Variants in SLC24A2 observed in about 807,000 individuals in gnomAD.
SLC24A2 encodes solute carrier family 24 member 2.
SLC24A2 carries 36 observed loss-of-function variants against 62.0 expected under a neutral mutation model. That is an observed-to-expected ratio of 0.58 (90% CI 0.44 to 0.77). The LOEUF (loss-of-function observed/expected upper bound fraction) is 0.77, where lower values mean the gene tolerates loss of function less well. Ranked by LOEUF, SLC24A2 falls within the 30% of genes least tolerant of loss-of-function variation. The pLI, the probability that SLC24A2 is intolerant of heterozygous loss-of-function variation, is 0.00. For synonymous variants in SLC24A2, 358 were observed against 294.0 expected, an observed-to-expected ratio of 1.22 and a Z score of -2.23; for missense variants, 846 against 817.9, an observed-to-expected ratio of 1.03 and a Z score of -0.42.
chr9:19,965,635 T>C, the SLC24A2 span, among the ~76,000 whole-genome samples: 95 of 152,224 alleles, frequency 6.2e-4, no homozygotes, highest in African/African-American at 2.2e-3. Context: ...TAAGTGGCCA[T>C]AGTCAAAATA....
At chr9:19,650,775 C>CA (rs1487146760) in intron 2 of SLC24A2, among the ~76,000 whole-genome samples, 2 of 151,886 alleles carry the variant, frequency 1.3e-5, no homozygotes, top group Non-Finnish European at 2.9e-5. Context: ...CTAGGATTCA[C>CA]AACCGAAATA....
the SLC24A2 span, among the ~76,000 whole-genome samples, chr9:20,035,896 T>C: frequency 6.6e-6 from 1 of 152,188 alleles, no homozygotes; most frequent in African/African-American, 2.4e-5. Flanking sequence ...AAGTTATCAA[T>C]AGCAGAACAG....
the SLC24A2 span, among the ~76,000 whole-genome samples, chr9:20,140,991 A>G: frequency 1.3e-5 from 2 of 152,114 alleles, no homozygotes; most frequent in Non-Finnish European, 2.9e-5. Context: ...GCTACTAACC[A>G]TGAGCTCCTT....
chr9:20,055,083 G>T, the SLC24A2 span, among the ~76,000 whole-genome samples: 1 of 152,130 alleles, frequency 6.6e-6, no homozygotes, highest in Non-Finnish European at 1.5e-5. Context: ...TATTTGAGGG[G>T]CAGGAATGTA....
chr9:19,874,189 C>G, the SLC24A2 span, among the ~76,000 whole-genome samples: 1 of 147,862 alleles, frequency 6.8e-6, no homozygotes, highest in African/African-American at 2.5e-5. Context: ...AAGCAATTCT[C>G]TTGCCTCAGC....
At chr9:20,218,931 G>C in the SLC24A2 span, among the ~76,000 whole-genome samples, 1 of 152,128 alleles carries the variant, frequency 6.6e-6, no homozygotes, top group East Asian at 1.9e-4. Flanking sequence ...AACCCAAGCA[G>C]AATGATTTTG....
At chr9:19,792,646 T>G (rs111718337), upstream of SLC24A2, among the ~76,000 whole-genome samples, 7,864 of 146,858 alleles carry the variant, frequency 0.054, 244 homozygotes, top group African/African-American at 0.087. Context: ...ATGCGGAGGG[T>G]GCAGTGAGCC....
chr9:19,859,562 C>A, the SLC24A2 span, among the ~76,000 whole-genome samples: 1 of 152,100 alleles, frequency 6.6e-6, no homozygotes, highest in African/African-American at 2.4e-5. Flanking sequence ...CTGCCAATTC[C>A]CCTTGCCCCC....
the SLC24A2 span, among the ~76,000 whole-genome samples, chr9:20,170,612 G>T: frequency 2.6e-5 from 4 of 151,988 alleles, no homozygotes; most frequent in Non-Finnish European, 5.9e-5. Flanking sequence ...TGGGAAGGGG[G>T]TAGGCTGTTT....
chr9:20,140,933 A>G, the SLC24A2 span, among the ~76,000 whole-genome samples: 2 of 152,070 alleles, frequency 1.3e-5, no homozygotes, highest in Admixed American at 6.6e-5. Context: ...CCTCCAATTC[A>G]ACCACCACTC....
At chr9:19,856,617 G>A in the SLC24A2 span, among the ~76,000 whole-genome samples, 1 of 152,150 alleles carries the variant, frequency 6.6e-6, no homozygotes, top group Non-Finnish European at 1.5e-5. Context: ...ACTGGGAGGT[G>A]TCACCAGTGG....
chr9:20,225,576 T>TATA, the SLC24A2 span, among the ~76,000 whole-genome samples: 18 of 126,416 alleles, frequency 1.4e-4, no homozygotes, highest in African/African-American at 6.2e-4. Flanking sequence ...ATATATATAA[T>TATA]TTCATTTAAA....
the SLC24A2 span, among the ~76,000 whole-genome samples, chr9:20,235,096 C>T: frequency 6.6e-6 from 1 of 152,218 alleles, no homozygotes; most frequent in Non-Finnish European, 1.5e-5. Context: ...AGTTTTGTCT[C>T]AGAGGAGTAC....
the SLC24A2 span, among the ~76,000 whole-genome samples, chr9:20,043,153 C>T: frequency 2.6e-5 from 4 of 152,168 alleles, no homozygotes; most frequent in South Asian, 8.3e-4. Context: ...AGCTGAGACA[C>T]GCCAAAAGCT....
the SLC24A2 span, among the ~76,000 whole-genome samples, chr9:19,897,872 C>A: frequency 2.0e-5 from 3 of 152,312 alleles, no homozygotes; most frequent in African/African-American, 7.2e-5. Flanking sequence ...TTGTTCCAGG[C>A]TGCTTTGAAC....
At chr9:20,192,589 C>T in the SLC24A2 span, among the ~76,000 whole-genome samples, 3 of 152,034 alleles carry the variant, frequency 2.0e-5, no homozygotes, top group South Asian at 6.2e-4. Context: ...ATTTTTAAAC[C>T]AGCCTCCAGG....
At chr9:19,546,325 G>T (rs950906376) in intron 8 of SLC24A2, among the ~76,000 whole-genome samples, 6 of 152,240 alleles carry the variant, frequency 3.9e-5, no homozygotes, top group African/African-American at 1.4e-4. Context: ...GTCCCAGGGA[G>T]ATGGGGGTTT....
chr9:20,288,889 C>T, the SLC24A2 span, among the ~76,000 whole-genome samples: 2 of 152,104 alleles, frequency 1.3e-5, no homozygotes, highest in Non-Finnish European at 2.9e-5. Flanking sequence ...AAGCACAGGC[C>T]ACATGAAGAG....
At chr9:19,809,697 AGGGTGG>A in the SLC24A2 span, among the ~76,000 whole-genome samples, 1 of 152,042 alleles carries the variant, frequency 6.6e-6, no homozygotes, top group Non-Finnish European at 1.5e-5. Flanking sequence ...TAATAAGATT[AGGGTGG>A]GGCAGCCAGC....
Sources: gnomAD v4.1 joint callset for allele counts (sites outside exome capture counted in the v4.1 genomes callset) on GRCh38, gnomAD v4.1.1 for gene constraint, MANE v1.5 for transcripts, NCBI Gene and HGNC (gene_info 2026-07-23, HGNC 2026-07-21) for gene names.